Variants in LRRC39 observed in about 807,000 individuals in gnomAD.
LRRC39 encodes leucine-rich repeat-containing protein 39.
A neutral mutation model predicts 39.7 loss-of-function variants in LRRC39; 35 were observed. That is an observed-to-expected ratio of 0.88 (90% CI 0.67 to 1.17). The LOEUF (loss-of-function observed/expected upper bound fraction) is 1.17, where lower values mean the gene tolerates loss of function less well. Among genes scored for constraint, LRRC39 ranks in the 50% most tolerant of loss-of-function variants. The pLI is 0.00. For missense variants in LRRC39, 357 were observed against 385.8 expected (o/e 0.93, Z 0.62); for synonymous variants, 113 against 134.1 (o/e 0.84, Z 1.09).
intron 2 of LRRC39, among the ~76,000 whole-genome samples, chr1:100,173,010 C>A (rs1239745512): frequency 6.7e-6 from 1 of 150,136 alleles, no homozygotes; most frequent in East Asian, 2.0e-4. Flanking sequence ...CATGCCACTG[C>A]ACGCCAGCCT....
At chr1:100,176,715 A>G (rs1194844475) in intron 1 of LRRC39, among the ~76,000 whole-genome samples, 4 of 152,246 alleles carry the variant, frequency 2.6e-5, no homozygotes, top group African/African-American at 7.2e-5. Flanking sequence ...TACAATGAAT[A>G]TGACATTGAT....
chr1:100,152,547 T>C lies in LRRC39; in HGVS notation c.813-23A>G, dbSNP rs771254437. 3.1e-6 allele frequency: 5 copies of C among 1,611,000 alleles called. No individual in the cohort carries two copies. In the South Asian group the frequency reaches 5.5e-5, roughly 18 times the overall value. On this transcript the variant is annotated intron_variant, in intron 8 of 9. Coordinates refer to ENST00000370137, the MANE Select transcript of LRRC39 (RefSeq NM_144620.4). ...AACCTAGAAGTTCATCAAAAAACAGTATTTTTATAGGTGTCATGGAAGTGT... is the reference window on the plus strand; with the variant it reads ...AACCTAGAAGTTCATCAAAAAACAGCATTTTTATAGGTGTCATGGAAGTGT...
intron 5 of LRRC39, among the ~76,000 whole-genome samples, chr1:100,158,997 A>G (rs958573044): frequency 6.6e-6 from 1 of 152,150 alleles, no homozygotes; most frequent in Non-Finnish European, 1.5e-5. Flanking sequence ...TAAGAGGAAT[A>G]GCTGAGCCGA....
chr1:100,157,053 A>G (rs1286715194), intron 6 of LRRC39, among the ~76,000 whole-genome samples: 1 of 152,228 alleles, frequency 6.6e-6, no homozygotes, highest in Admixed American at 6.5e-5. Context: ...CAACCCAGAA[A>G]CAAAAACACA....
upstream of LRRC39, among the ~76,000 whole-genome samples, chr1:100,179,475 A>C (rs1364153392): frequency 7.5e-6 from 1 of 133,058 alleles, no homozygotes; most frequent in Non-Finnish European, 1.6e-5. Flanking sequence ...CAGCCTGAGC[A>C]ACAGAGTGAG....
intron 2 of LRRC39, among the ~76,000 whole-genome samples, chr1:100,169,037 G>A (rs1272779170): frequency 6.6e-6 from 1 of 151,956 alleles, no homozygotes; most frequent in Non-Finnish European, 1.5e-5. Flanking sequence ...GTTTCCTTTT[G>A]TGTAAAATAA....
chr1:100,153,158 T>A (rs1658182906), intron 8 of LRRC39, among the ~76,000 whole-genome samples: 1 of 152,366 alleles, frequency 6.6e-6, no homozygotes, highest in East Asian at 1.9e-4. Flanking sequence ...CATTGTGTCT[T>A]CACCACCCAG....
At chr1:100,157,988 C>A (rs1052160173) in intron 6 of LRRC39, among the ~76,000 whole-genome samples, 4 of 152,166 alleles carry the variant, frequency 2.6e-5, no homozygotes, top group African/African-American at 9.7e-5. Context: ...CTCACCCTGG[C>A]CTTCAAGGAG....
At chr1:100,151,736 G>A (rs962974151) in intron 9 of LRRC39, among the ~76,000 whole-genome samples, 6 of 152,158 alleles carry the variant, frequency 3.9e-5, no homozygotes, top group Non-Finnish European at 7.3e-5. Flanking sequence ...CAGAGACTAA[G>A]TGATTGAAAT....
At chr1:100,178,648 C>A (rs1327411400), upstream of LRRC39, among the ~76,000 whole-genome samples, 1 of 152,172 alleles carries the variant, frequency 6.6e-6, no homozygotes, top group East Asian at 1.9e-4. Context: ...AACACAGAAG[C>A]CCCAAACTTC....
Position 100,152,374 on chromosome 1 carries a change from A to G in LRRC39, c.952+11T>C. ...AAAACATTTAATCTGTGTTATATACAAATCTTATACCTGCTCTTCTCCGTG... is the reference window on the plus strand; with the variant it reads ...AAAACATTTAATCTGTGTTATATACGAATCTTATACCTGCTCTTCTCCGTG... On this transcript the variant is annotated intron_variant, in intron 9 of 9. Coordinates refer to ENST00000370137, the MANE Select transcript of LRRC39 (RefSeq NM_144620.4). The G allele has an allele frequency of 1.2e-6, 2 of 1,612,326 alleles. No individual in the cohort carries two copies. Among genetic ancestry groups the G allele is most frequent in the Non-Finnish European group, 1.7e-6 (2 of 1,179,224 alleles).
intron 9 of LRRC39, 43 bp downstream of exon 9, chr1:100,152,342 C>G (rs2101762573): frequency 6.3e-7 from 1 of 1,585,954 alleles, no homozygotes. Context: ...ACACATTACT[C>G]TACCAAAAAA....
chr1:100,172,145 G>A (rs1318192026), intron 2 of LRRC39, among the ~76,000 whole-genome samples: 1 of 152,112 alleles, frequency 6.6e-6, no homozygotes, highest in African/African-American at 2.4e-5. Context: ...TCCCAGAGAT[G>A]ACTTCAGTGG....
Position 100,156,286 on chromosome 1 carries a change from T to C in LRRC39, c.545A>G (p.Asp182Gly), listed in dbSNP as rs1658442907. Residue 182 changes from aspartate to glycine, a missense_variant, in exon 7 of 10, where the codon GAT becomes GGT. By Grantham distance (94) the Asp-to-Gly change is moderately conservative. Transcript: ENST00000370137. ...LSNLLKLTHL[D>G]LSMNDFTTIP... ...TGTAGTAAAATCGTTCATACTCAGA[T>C]CAAGGTGAGTAAGTTTTAGCAGATT... The C allele has an allele frequency of 6.2e-7, 1 of 1,612,402 alleles. No homozygotes were observed. The highest frequency in any genetic ancestry group is 1.7e-5 in the Admixed American group (1 of 59,926).
rs747121506 is a variant in LRRC39 at position 100,148,619 on chromosome 1, A to G, written c.*423T>C. The G allele has an allele frequency of 6.3e-7, 1 of 1,597,034 alleles. No homozygotes were observed. Among genetic ancestry groups the G allele is most frequent in the Non-Finnish European group, 8.5e-7 (1 of 1,175,596 alleles). ...ACAATGTTTTGTGTGTGTTTATTCAATTTAGGCTTCTTAGTGTTGAAGAAA... is the reference window on the plus strand; with the variant it reads ...ACAATGTTTTGTGTGTGTTTATTCAGTTTAGGCTTCTTAGTGTTGAAGAAA... On this transcript the variant is annotated 3_prime_UTR_variant, in exon 10 of 10. Transcript: ENST00000370137.
At chr1:100,171,702 G>T (rs1450925329) in intron 2 of LRRC39, among the ~76,000 whole-genome samples, 5 of 142,172 alleles carry the variant, frequency 3.5e-5, no homozygotes, top group South Asian at 2.2e-4. Context: ...CAGGGGTCTT[G>T]CTATGTTGCC....
chr1:100,170,603 AAG>A (rs1486254154), intron 2 of LRRC39, among the ~76,000 whole-genome samples: 14 of 151,584 alleles, frequency 9.2e-5, no homozygotes, highest in African/African-American at 2.9e-4. Flanking sequence ...TGTACACTAA[AAG>A]AGAGAATTTA....
At position 100,159,391 on chromosome 1, in the gene LRRC39, G is replaced by A. The variant is rs80221535; in HGVS notation, c.244C>T (p.Leu82=). ...WKTLPSSLLK[L]NQLQEWQLHR... ...AGTTGCCATTCCTGTAGTTGATTCA[G>A]TTTCAGCAGAGAAGAAGGGAGGGTC... Residue 82 remains leucine, a synonymous_variant, in exon 5 of 10, where the codon CTG becomes TTG. Transcript: ENST00000370137. 9.7e-3 allele frequency: 15,654 copies of A among 1,608,540 alleles called. 91 individuals carry two copies. Among genetic ancestry groups the A allele is most frequent in the Non-Finnish European group, 0.012 (14,133 of 1,177,404 alleles).
intron 1 of LRRC39, among the ~76,000 whole-genome samples, chr1:100,174,801 A>C (rs1659850363): frequency 6.6e-6 from 1 of 152,220 alleles, no homozygotes; most frequent in African/African-American, 2.4e-5. Context: ...ATAAAGGAAA[A>C]GATATACTAT....
Sources: allele counts gnomAD v4.1 joint callset (sites outside exome capture counted in the v4.1 genomes callset), GRCh38; gene constraint gnomAD v4.1.1; transcripts MANE v1.5; gene names NCBI Gene and HGNC (gene_info 2026-07-23, HGNC 2026-07-21).